CHRDL1: variants seen among roughly 807,000 people sequenced by gnomAD.
CHRDL1 encodes the protein chordin-like protein 1.
In CHRDL1, 19 loss-of-function variants were observed where a neutral mutation model predicts 40.9. The ratio of observed to expected loss-of-function variants is 0.46; its 90% CI spans 0.32 to 0.68. The LOEUF is 0.68. CHRDL1 is among the 30% of genes least tolerant of loss of function. The pLI, the probability that CHRDL1 is intolerant of heterozygous loss-of-function variation, is 0.03. For synonymous variants in CHRDL1, 136 were observed against 123.4 expected, an observed-to-expected ratio of 1.10 and a Z score of -0.68; for missense variants, 329 against 352.1, an observed-to-expected ratio of 0.93 and a Z score of 0.53.
intron 7 of CHRDL1, among the ~76,000 whole-genome samples, chrX:110,695,748 T>A (rs2070373847): frequency 1.8e-5 from 2 of 111,959 alleles, no homozygotes; most frequent in Non-Finnish European, 1.9e-5. Flanking sequence ...CAGACAGGCA[T>A]GTTGCAAATT....
At chrX:110,765,182 C>A (rs1260115429) in intron 2 of CHRDL1, among the ~76,000 whole-genome samples, 2 of 111,184 alleles carry the variant, frequency 1.8e-5, no homozygotes, top group Non-Finnish European at 3.8e-5. Flanking sequence ...ACCCCCTCCC[C>A]TTTTGAAATC....
At chrX:110,763,778 T>C (rs190410870) in intron 2 of CHRDL1, among the ~76,000 whole-genome samples, 57 of 111,789 alleles carry the variant, frequency 5.1e-4, no homozygotes, top group African/African-American at 1.8e-3. Context: ...CTGGATCAAA[T>C]GGTAGTTCTA....
At chrX:110,742,182 C>A (rs1425837524) in intron 4 of CHRDL1, among the ~76,000 whole-genome samples, 2 of 112,225 alleles carry the variant, frequency 1.8e-5, no homozygotes, top group Non-Finnish European at 3.8e-5. Context: ...CTCCCTGAAG[C>A]ATCTTTAGTT....
At chrX:110,792,847 T>C (rs2090124308) in intron 1 of CHRDL1, among the ~76,000 whole-genome samples, 1 of 112,343 alleles carries the variant, frequency 8.9e-6, no homozygotes, top group Non-Finnish European at 1.9e-5. Flanking sequence ...CCCCAAGAAG[T>C]CCATTGTAAA....
chrX:110,693,974 C>T (rs2070332239), intron 8 of CHRDL1, among the ~76,000 whole-genome samples, 189 bp downstream of exon 8: 1 of 111,380 alleles, frequency 9.0e-6, no homozygotes, highest in Non-Finnish European at 1.9e-5. Flanking sequence ...GCTCTTTTGG[C>T]TGCATTTAAG....
At chrX:110,690,801 T>C (rs2070260113) in intron 8 of CHRDL1, among the ~76,000 whole-genome samples, 2 of 111,769 alleles carry the variant, frequency 1.8e-5, no homozygotes, top group Admixed American at 1.9e-4. Flanking sequence ...ATACTGGCTA[T>C]AGATATTTGG....
At chrX:110,708,219 G>A (rs1010841628) in intron 6 of CHRDL1, among the ~76,000 whole-genome samples, 23 of 110,769 alleles carry the variant, frequency 2.1e-4, no homozygotes, top group African/African-American at 6.6e-4. Flanking sequence ...CAACCATTGT[G>A]GAAGACAGTG....
chrX:110,681,638 C>T lies in CHRDL1; in HGVS notation c.1000G>A (p.Gly334Ser). 8.3e-7 allele frequency: 1 copy of T among 1,199,946 alleles called. No individual in the cohort carries two copies. The highest frequency in any genetic ancestry group is 1.1e-6 in the Non-Finnish European group (1 of 888,713). The change falls in exon 10 of 12, where the codon GGC (glycine) becomes AGC (serine). Residue 334 changes from glycine to serine, a missense_variant. By Grantham distance (56) the Gly-to-Ser change is moderately conservative. Transcript: ENST00000372042. The stretch of plus-strand genomic sequence containing the variant: ...TAGCCTTTATTGTCAAAGCTTTGGC[C>T]TGGAAGTTCTTCTGGAATCAGGAAG... Reference protein sequence around the residue: ...PGKKAKEELPGQSFDNKGYFC... With the variant: ...PGKKAKEELPSQSFDNKGYFC...
intron 9 of CHRDL1, among the ~76,000 whole-genome samples, chrX:110,688,350 G>A (rs1236305174): frequency 1.8e-5 from 2 of 111,873 alleles, no homozygotes; most frequent in South Asian, 3.7e-4. Flanking sequence ...GAAAAGCATA[G>A]GTAAGTTCAA....
chrX:110,709,980 C>A (rs1243635302), intron 6 of CHRDL1, among the ~76,000 whole-genome samples: 1 of 110,764 alleles, frequency 9.0e-6, no homozygotes, highest in Non-Finnish European at 1.9e-5. Flanking sequence ...CCAGCCTGGG[C>A]AACAGAGACT....
At chrX:110,748,155 C>T (rs1361109058) in intron 4 of CHRDL1, among the ~76,000 whole-genome samples, 1 of 112,001 alleles carries the variant, frequency 8.9e-6, no homozygotes, top group Non-Finnish European at 1.9e-5. Context: ...TTTCTTTCAC[C>T]AGTTTCAGTA....
At chrX:110,747,988 T>C (rs751428548) in intron 4 of CHRDL1, among the ~76,000 whole-genome samples, 1 of 112,311 alleles carries the variant, frequency 8.9e-6, no homozygotes, top group East Asian at 2.8e-4. Flanking sequence ...TGACTTCAGC[T>C]TCCCTTATCT....
intron 4 of CHRDL1, among the ~76,000 whole-genome samples, chrX:110,750,112 C>T (rs1002128265): frequency 9.0e-6 from 1 of 111,727 alleles, no homozygotes; most frequent in Non-Finnish European, 1.9e-5. Context: ...TTAGTGGCCT[C>T]GGGATCTTCC....
chrX:110,712,780 G>A (rs73528218), intron 6 of CHRDL1, among the ~76,000 whole-genome samples: 3,544 of 111,031 alleles, frequency 0.032, 136 homozygotes, highest in African/African-American at 0.11. Flanking sequence ...AGACAGAAGG[G>A]TAGCTTGTAG....
At chrX:110,788,596 T>C (rs1013114235) in intron 2 of CHRDL1, among the ~76,000 whole-genome samples, 10 of 112,252 alleles carry the variant, frequency 8.9e-5, no homozygotes, top group Non-Finnish European at 1.5e-4. Context: ...TCTGAAGTTT[T>C]TCCAGTTGCT....
chrX:110,702,745 T>A (rs2070541323), intron 6 of CHRDL1, among the ~76,000 whole-genome samples: 1 of 111,969 alleles, frequency 8.9e-6, no homozygotes, highest in African/African-American at 3.2e-5. Flanking sequence ...GCCTGCTCTT[T>A]GCTTTTTCTC....
At chrX:110,679,254 G>T in intron 11 of CHRDL1, 82 bp downstream of exon 11, 1 of 653,099 alleles carries the variant, frequency 1.5e-6, no homozygotes, top group Non-Finnish European at 2.6e-6. Flanking sequence ...CACTGAGATT[G>T]CGGAGGGACT....
intron 6 of CHRDL1, among the ~76,000 whole-genome samples, chrX:110,712,967 C>CT (rs11373208): frequency 0.079 from 8,819 of 111,049 alleles, 858 homozygotes; most frequent in African/African-American, 0.28. Flanking sequence ...CCCCTACAGC[C>CT]TGGGGAGGGA....
chrX:110,704,524 A>G lies in CHRDL1; in HGVS notation c.542-3803T>C, dbSNP rs1014145957. Among the ~76,000 whole-genome samples the G allele has an allele frequency of 3.1e-4, 35 of 111,384 alleles. 2 individuals carry two copies. The highest frequency in any genetic ancestry group is 1.0e-3 in the African/African-American group (31 of 30,610). On this transcript the variant is annotated intron_variant, in intron 6 of 11. Transcript: ENST00000372042. Reference sequence around the variant, plus strand: ...TGTAATAGGCCATGAGCATCTGTGCAATAACACACAAGAAGGATTGAATGA... The same window carrying G: ...TGTAATAGGCCATGAGCATCTGTGCGATAACACACAAGAAGGATTGAATGA...
Sources: gnomAD v4.1 joint callset for allele counts (sites outside exome capture counted in the v4.1 genomes callset) on GRCh38, gnomAD v4.1.1 for gene constraint, MANE v1.5 for transcripts, NCBI Gene and HGNC (gene_info 2026-07-23, HGNC 2026-07-21) for gene names.